Variants in KCNQ5 observed in about 807,000 individuals in gnomAD.
KCNQ5 encodes the protein potassium voltage-gated channel subfamily Q member 5.
A neutral mutation model predicts 98.2 loss-of-function variants in KCNQ5; 30 were observed. The observed-to-expected ratio is 0.31, with a 90% confidence interval of 0.23 to 0.41. The LOEUF (loss-of-function observed/expected upper bound fraction) is 0.41. Ranked by LOEUF, KCNQ5 falls within the 10% of genes least tolerant of loss-of-function variation. The pLI is 1.00. For missense variants in KCNQ5, 835 were observed against 1,182.5 expected, an observed-to-expected ratio of 0.71 and a Z score of 4.31; for synonymous variants, 458 against 449.4, an observed-to-expected ratio of 1.02 and a Z score of -0.24.
intron 1 of KCNQ5, among the ~76,000 whole-genome samples, chr6:72,644,033 A>C (rs186318258): frequency 6.6e-6 from 1 of 152,308 alleles, no homozygotes; most frequent in Admixed American, 6.5e-5. Context: ...AAAACACACA[A>C]GGTATAAACC....
chr6:73,181,095 C>T (rs1464873002), intron 11 of KCNQ5, among the ~76,000 whole-genome samples: 1 of 152,150 alleles, frequency 6.6e-6, no homozygotes, highest in South Asian at 2.1e-4. Context: ...ATATAGATGT[C>T]GTCTACCCAG....
At chr6:73,056,957 A>G (rs1772532376) in intron 3 of KCNQ5, among the ~76,000 whole-genome samples, 1 of 152,144 alleles carries the variant, frequency 6.6e-6, no homozygotes, top group African/African-American at 2.4e-5. Flanking sequence ...ATACCATTTG[A>G]CCCAGCCATC....
intron 1 of KCNQ5, among the ~76,000 whole-genome samples, chr6:72,736,752 G>A (rs1679295605): frequency 2.0e-5 from 3 of 151,744 alleles, no homozygotes; most frequent in South Asian, 4.2e-4. Context: ...GCCCGCCTCG[G>A]CCTCCCAAAG....
chr6:73,027,022 A>G (rs1006137282), intron 2 of KCNQ5, among the ~76,000 whole-genome samples: 3 of 152,096 alleles, frequency 2.0e-5, no homozygotes, highest in African/African-American at 7.2e-5. Flanking sequence ...CAAATTAATG[A>G]TCCCAGTGTT....
intron 1 of KCNQ5, among the ~76,000 whole-genome samples, chr6:72,877,701 A>T (rs1266913594): frequency 6.6e-6 from 1 of 152,154 alleles, no homozygotes; most frequent in African/African-American, 2.4e-5. Flanking sequence ...AAGCGTTCCT[A>T]TTTCTCCACA....
intron 5 of KCNQ5, among the ~76,000 whole-genome samples, chr6:73,082,631 G>A (rs1165093895): frequency 1.3e-5 from 2 of 152,168 alleles, no homozygotes; most frequent in African/African-American, 4.8e-5. Context: ...GCTCACATGG[G>A]TGTGGGAAAT....
At chr6:73,024,266 C>T (rs377469541) in intron 2 of KCNQ5, among the ~76,000 whole-genome samples, 10 of 151,696 alleles carry the variant, frequency 6.6e-5, no homozygotes, top group African/African-American at 1.9e-4. Context: ...ATCATTAGGA[C>T]AGAATGATTT....
At chr6:73,062,401 A>G (rs1039713605) in intron 3 of KCNQ5, among the ~76,000 whole-genome samples, 4 of 152,174 alleles carry the variant, frequency 2.6e-5, no homozygotes, top group African/African-American at 9.6e-5. Flanking sequence ...GCCCTTTAAT[A>G]TTATATGCCC....
intron 9 of KCNQ5, among the ~76,000 whole-genome samples, chr6:73,125,725 G>A (rs982867882): frequency 3.3e-5 from 5 of 152,048 alleles, no homozygotes; most frequent in Admixed American, 6.6e-5. Context: ...AAATGCATTC[G>A]TCTATGATGG....
intron 1 of KCNQ5, among the ~76,000 whole-genome samples, chr6:72,817,723 G>T (rs1211842954): frequency 6.6e-6 from 1 of 151,946 alleles, no homozygotes; most frequent in African/African-American, 2.4e-5. Context: ...GTGAAACCCT[G>T]TCTTTACTAA....
intron 1 of KCNQ5, among the ~76,000 whole-genome samples, chr6:72,952,601 A>G (rs1372311853): frequency 6.6e-6 from 1 of 152,208 alleles, no homozygotes; most frequent in Non-Finnish European, 1.5e-5. Context: ...TTTTACACCA[A>G]TGCTAAATTC....
intron 5 of KCNQ5, among the ~76,000 whole-genome samples, chr6:73,078,834 G>C (rs573230137): frequency 6.6e-6 from 1 of 152,292 alleles, no homozygotes; most frequent in South Asian, 2.1e-4. Flanking sequence ...TCTGAACAAC[G>C]CATAGTTTTC....
intron 1 of KCNQ5, among the ~76,000 whole-genome samples, chr6:72,779,270 C>T (rs553071385): frequency 1.2e-4 from 18 of 152,200 alleles, no homozygotes; most frequent in Middle Eastern, 3.4e-3. Context: ...GAGGCCCAGG[C>T]CAGGGTCATA....
intron 1 of KCNQ5, among the ~76,000 whole-genome samples, chr6:72,894,746 T>C (rs1779180170): frequency 6.6e-6 from 1 of 152,274 alleles, no homozygotes; most frequent in South Asian, 2.1e-4. Context: ...ATAAGAAAAT[T>C]TGCCTTACAT....
intron 1 of KCNQ5, among the ~76,000 whole-genome samples, chr6:72,775,376 T>A (rs1352094760): frequency 6.6e-6 from 1 of 152,180 alleles, no homozygotes; most frequent in Non-Finnish European, 1.5e-5. Context: ...AAATTTGGTG[T>A]TTCAAAAATA....
intron 1 of KCNQ5, among the ~76,000 whole-genome samples, chr6:72,958,148 G>T (rs997250314): frequency 3.9e-5 from 6 of 151,948 alleles, no homozygotes; most frequent in Admixed American, 6.6e-5. Context: ...ACATGGAAAG[G>T]GTTCCCTTAT....
intron 1 of KCNQ5, among the ~76,000 whole-genome samples, chr6:72,767,101 A>G (rs550318832): frequency 1.3e-5 from 2 of 152,154 alleles, no homozygotes; most frequent in East Asian, 1.9e-4. Context: ...GGTATAATTC[A>G]CTGAGTTGGG....
intron 1 of KCNQ5, among the ~76,000 whole-genome samples, chr6:72,624,429 G>A (rs1251976520): frequency 6.6e-6 from 1 of 150,488 alleles, no homozygotes; most frequent in African/African-American, 2.5e-5. Context: ...TATATTCAGA[G>A]AGAGTTAAAG....
chr6:72,915,263 G>A (rs2150210215), intron 1 of KCNQ5, among the ~76,000 whole-genome samples: 1 of 152,182 alleles, frequency 6.6e-6, no homozygotes, highest in African/African-American at 2.4e-5. Flanking sequence ...TTTAGATTAG[G>A]CATGAGGAAA....
Sources: gnomAD v4.1 joint callset for allele counts (sites outside exome capture counted in the v4.1 genomes callset) on GRCh38, gnomAD v4.1.1 for gene constraint, MANE v1.5 for transcripts, NCBI Gene and HGNC (gene_info 2026-07-23, HGNC 2026-07-21) for gene names.